The following FHAD1 variants were observed in gnomAD, a reference collection of about 807,000 sequenced individuals.
FHAD1 encodes the protein forkhead associated phosphopeptide binding domain 1.
In FHAD1, 146 loss-of-function variants were observed where a neutral mutation model predicts 191.3. That is an observed-to-expected ratio of 0.76 (90% CI 0.67 to 0.88). FHAD1 has a LOEUF of 0.88. Among genes scored for constraint, FHAD1 ranks in the 40% least tolerant of loss-of-function variants. The pLI is 0.00. For synonymous variants in FHAD1, 616 were observed against 672.3 expected, an observed-to-expected ratio of 0.92 and a Z score of 1.29; for missense variants, 1,635 against 1,785.8, an observed-to-expected ratio of 0.92 and a Z score of 1.52.
intron 31 of FHAD1, among the ~76,000 whole-genome samples, chr1:15,386,994 C>T (rs1702288263): frequency 6.6e-6 from 1 of 152,066 alleles, no homozygotes; most frequent in Admixed American, 6.5e-5. Context: ...TTCCAAGTAG[C>T]TGGGATTACA....
intron 14 of FHAD1, among the ~76,000 whole-genome samples, chr1:15,336,654 G>T (rs149469148): frequency 2.0e-5 from 3 of 151,938 alleles, no homozygotes; most frequent in Non-Finnish European, 4.4e-5. Context: ...CGCTTCTTTC[G>T]CTCCTTTTCA....
At chr1:15,339,240 C>G (rs1232216235) in intron 14 of FHAD1, among the ~76,000 whole-genome samples, 1 of 152,158 alleles carries the variant, frequency 6.6e-6, no homozygotes, top group South Asian at 2.1e-4. Context: ...AGGCTAGTCT[C>G]GAGCTCCTGA....
chr1:15,273,700 T>C (rs1657091131), intron 3 of FHAD1, among the ~76,000 whole-genome samples: 1 of 152,224 alleles, frequency 6.6e-6, no homozygotes, highest in Admixed American at 6.5e-5. Context: ...TGTTGGTTTG[T>C]GCAATTTTTT....
intron 2 of FHAD1, among the ~76,000 whole-genome samples, chr1:15,270,591 A>C (rs1402663687): frequency 5.3e-5 from 8 of 152,224 alleles, no homozygotes; most frequent in African/African-American, 1.7e-4. Context: ...TTCTATTATT[A>C]ATATAAGCTC....
At chr1:15,255,911 G>C (rs968501145) in intron 2 of FHAD1, among the ~76,000 whole-genome samples, 1 of 152,170 alleles carries the variant, frequency 6.6e-6, no homozygotes, top group African/African-American at 2.4e-5. Flanking sequence ...AAAACAATGG[G>C]AAGATGCCAC....
intron 31 of FHAD1, among the ~76,000 whole-genome samples, chr1:15,382,856 G>A (rs74526023): frequency 0.034 from 5,155 of 152,336 alleles, 119 homozygotes; most frequent in East Asian, 0.093. Flanking sequence ...GGATGAGAGG[G>A]TGGACATTCC....
chr1:15,271,620 C>CGCATAGGAAATAACTAATT (rs1656034685), intron 2 of FHAD1, among the ~76,000 whole-genome samples: 3 of 151,692 alleles, frequency 2.0e-5, no homozygotes, highest in Admixed American at 1.3e-4. Context: ...AATAACTAAT[C>CGCATAGGAAATAACTAATT]GCATGGGAAA....
intron 2 of FHAD1, among the ~76,000 whole-genome samples, chr1:15,257,920 C>T (rs1188499200): frequency 2.0e-5 from 3 of 152,290 alleles, no homozygotes; most frequent in African/African-American, 7.2e-5. Flanking sequence ...TGGCTCACTG[C>T]GGCCTCTGCC....
At chr1:15,256,948 T>C (rs1025926356) in intron 2 of FHAD1, among the ~76,000 whole-genome samples, 1 of 152,198 alleles carries the variant, frequency 6.6e-6, no homozygotes, top group Non-Finnish European at 1.5e-5. Context: ...TGTCAGCTCC[T>C]TCTCATATGG....
intron 15 of FHAD1, among the ~76,000 whole-genome samples, chr1:15,341,182 A>C (rs1198762649): frequency 1.3e-5 from 2 of 151,746 alleles, no homozygotes; most frequent in African/African-American, 4.8e-5. Context: ...ACACCATCTC[A>C]AAAAAAACAA....
intron 14 of FHAD1, among the ~76,000 whole-genome samples, chr1:15,333,824 CTTT>C (rs55698715): frequency 0.017 from 1,117 of 64,690 alleles, 7 homozygotes; most frequent in African/African-American, 0.062. Flanking sequence ...TTTTATTTAT[CTTT>C]TTTTTTTTTT....
chr1:15,383,862 G>GT (rs1701483662), intron 31 of FHAD1: 1 of 447,912 alleles, frequency 2.2e-6, no homozygotes, highest in Non-Finnish European at 4.5e-6. Flanking sequence ...ACAGCGGCTG[G>GT]TAAGGACAGC....
At chr1:15,372,603 C>T (rs547949794) in intron 26 of FHAD1, among the ~76,000 whole-genome samples, 1 of 152,326 alleles carries the variant, frequency 6.6e-6, no homozygotes, top group Non-Finnish European at 1.5e-5. Context: ...TGCTACCATT[C>T]AATAGATAGA....
At chr1:15,390,516 C>T (rs1044965479) in intron 32 of FHAD1, among the ~76,000 whole-genome samples, 1 of 152,040 alleles carries the variant, frequency 6.6e-6, no homozygotes, top group African/African-American at 2.4e-5. Context: ...TCCATCTCAC[C>T]GCCTTCTTTG....
chr1:15,301,565 G>A lies in FHAD1; in HGVS notation c.915+124G>A, dbSNP rs541870600. The A allele has an allele frequency of 1.3e-4, 98 of 741,566 alleles. 4 individuals carry two copies. The South Asian group carries it at 1.7e-3, about 13-fold the overall frequency. 45.9% of individuals were successfully genotyped at this position (741,566 alleles called of 1,614,324 possible). ...GTGGTCAGTGGAGCATGGTGGTTAA[G>A]AACACAAATCCACAAGACTGGGAGA... is the stretch of plus-strand genomic sequence containing the variant. On this transcript the variant is annotated intron_variant, in intron 6 of 33. Transcript: ENST00000688493.
chr1:15,266,877 A>G (rs1927182), intron 2 of FHAD1, among the ~76,000 whole-genome samples: 92,437 of 152,026 alleles, frequency 0.61, 28,404 homozygotes, highest in East Asian at 0.83. Context: ...ACTAAGCAAT[A>G]TGCATTTAAA....
rs186449384 is a variant in FHAD1 at position 15,381,812 on chromosome 1, C to T, written c.4023-216C>T. Among the ~76,000 whole-genome samples the T allele has an allele frequency of 9.7e-4, 148 of 152,034 alleles. No homozygotes were observed. Among genetic ancestry groups the T allele is most frequent in the Non-Finnish European group, 1.7e-3 (118 of 67,996 alleles). On this transcript the variant is annotated intron_variant, in intron 30 of 33. Coordinates refer to ENST00000688493, the MANE Select transcript of FHAD1 (RefSeq NM_001391957.1). This position sits in a 1 kb window ranked among gnomAD's most constrained non-coding sequence, Gnocchi z 4.6. ...CCAGGAAGTCAGGAGGGGCTGGTAG[C>T]ACATCCTTTATCCCCTCCCGCTACA...
At position 15,322,964 on chromosome 1, in the gene FHAD1, T is replaced by C. The variant is rs111357868; in HGVS notation, c.1366-1488T>C. Among the ~76,000 whole-genome samples, 209 of 152,242 alleles carry C rather than the reference T, an allele frequency of 1.4e-3. 2 individuals are homozygous for C. The highest frequency in any genetic ancestry group is 4.3e-3 in the African/African-American group (179 of 41,528). The stretch of plus-strand genomic sequence containing the variant: ...ATGGCGGGAGGCGAAAGGCACTTCT[T>C]ACATGGCGGTGGCAAGGGAAAAATA... On this transcript the variant is annotated intron_variant, in intron 10 of 33. Transcript: ENST00000688493.
chr1:15,332,772 G>A (rs918050863), intron 14 of FHAD1, among the ~76,000 whole-genome samples: 4 of 152,024 alleles, frequency 2.6e-5, no homozygotes, highest in Non-Finnish European at 5.9e-5. Flanking sequence ...ATTCCAGCAG[G>A]GCTAAGAAAG....
Sources: allele counts gnomAD v4.1 joint callset (sites outside exome capture counted in the v4.1 genomes callset), GRCh38; gene constraint gnomAD v4.1.1; non-coding constraint Gnocchi (gnomAD v3.1); transcripts MANE v1.5; gene names NCBI Gene and HGNC (gene_info 2026-07-23, HGNC 2026-07-21).